The following ADGRB3 variants were observed in gnomAD, a reference collection of about 807,000 sequenced individuals.
ADGRB3 encodes the protein adhesion G protein-coupled receptor B3, also known as brain-specific angiogenesis inhibitor 3.
A neutral mutation model predicts 193.4 loss-of-function variants in ADGRB3; 37 were observed. The ratio of observed to expected loss-of-function variants is 0.19; its 90% CI spans 0.15 to 0.25. The LOEUF is 0.25. Among genes scored for constraint, ADGRB3 ranks in the 10% least tolerant of loss-of-function variants. ADGRB3 has a pLI of 1.00. For synonymous variants in ADGRB3, 690 were observed against 644.2 expected (o/e 1.07, Z -1.08); for missense variants, 1,637 against 1,852.9 (o/e 0.88, Z 2.14).
At chr6:68,903,354 G>C (rs1055160020) in intron 3 of ADGRB3, among the ~76,000 whole-genome samples, 2 of 152,032 alleles carry the variant, frequency 1.3e-5, no homozygotes, top group East Asian at 1.9e-4. Flanking sequence ...ATAAAAACCC[G>C]ACCTCATATT....
rs1283209036 is a variant in ADGRB3, at chr6:69,147,530, T to C, written c.2480+71492T>C. On this transcript the variant is annotated intron_variant, in intron 17 of 31. Coordinates refer to ENST00000370598, the MANE Select transcript of ADGRB3 (RefSeq NM_001704.3). The stretch of plus-strand genomic sequence containing the variant: ...GACACTTCATATGATTTAATTTTTT[T>C]TAATGTTCCAACACTAGTTTTGTGG... Among the ~76,000 whole-genome samples the C allele has an allele frequency of 2.0e-5, 3 of 152,224 alleles. 1 individual carries two copies. In the South Asian group the frequency reaches 6.2e-4, roughly 31 times the overall value.
At position 68,917,913 on chromosome 6, in the gene ADGRB3, A is replaced by G. The variant is rs532089498; in HGVS notation, c.758-12646A>G. 2.0e-5 allele frequency among the ~76,000 whole-genome samples: 3 copies of G among 152,302 alleles called. No homozygotes were observed. In the South Asian group the frequency reaches 6.2e-4, roughly 32 times the overall value. On this transcript the variant is annotated intron_variant, in intron 3 of 31. Transcript: ENST00000370598. Reference sequence around the variant, plus strand: ...GCTATCTTACAATGTTGACTCATTAAACTTTGGTTATCAAATAACCAATGC... The same window carrying G: ...GCTATCTTACAATGTTGACTCATTAGACTTTGGTTATCAAATAACCAATGC...
chr6:69,071,570 CAT>C (rs1772082122), intron 16 of ADGRB3, among the ~76,000 whole-genome samples: 1 of 152,110 alleles, frequency 6.6e-6, no homozygotes, highest in Admixed American at 6.5e-5. Context: ...TAAATAGAAA[CAT>C]GTAGAGTTCA....
At chr6:69,073,028 G>A (rs1326248891) in intron 16 of ADGRB3, among the ~76,000 whole-genome samples, 1 of 152,136 alleles carries the variant, frequency 6.6e-6, no homozygotes, top group Non-Finnish European at 1.5e-5. Flanking sequence ...AACTTGTGCT[G>A]ACTAGCATAG....
chr6:69,095,030 T>C (rs1348582352), intron 17 of ADGRB3, among the ~76,000 whole-genome samples: 1 of 152,258 alleles, frequency 6.6e-6, no homozygotes, highest in Non-Finnish European at 1.5e-5. Context: ...TAGGACTTTT[T>C]CAAGCACAGA....
chr6:69,206,815 CCCTTTG>C (rs1179680388), intron 17 of ADGRB3, among the ~76,000 whole-genome samples: 2 of 152,142 alleles, frequency 1.3e-5, no homozygotes, highest in Admixed American at 1.3e-4. Context: ...ATTCTGTATT[CCCTTTG>C]CCTTTAGCAA....
chr6:68,981,004 A>C, intron 10 of ADGRB3, among the ~76,000 whole-genome samples: 1 of 151,526 alleles, frequency 6.6e-6, no homozygotes, highest in Non-Finnish European at 1.5e-5. Context: ...ACTAATTATA[A>C]CATTGATTTT....
chr6:69,264,410 T>G (rs1268072243), intron 20 of ADGRB3, among the ~76,000 whole-genome samples: 1 of 151,950 alleles, frequency 6.6e-6, no homozygotes, highest in Non-Finnish European at 1.5e-5. Flanking sequence ...TCCTCTGGTT[T>G]TATTACCCTG....
At chr6:69,065,764 T>TATACACAC (rs1491522866) in intron 16 of ADGRB3, among the ~76,000 whole-genome samples, 2 of 129,210 alleles carry the variant, frequency 1.5e-5, no homozygotes, top group African/African-American at 5.9e-5. Context: ...TGTATATATA[T>TATACACAC]ACACACACAC....
intron 17 of ADGRB3, among the ~76,000 whole-genome samples, chr6:69,205,365 G>GA (rs1213993749): frequency 6.6e-6 from 1 of 150,544 alleles, no homozygotes; most frequent in East Asian, 1.9e-4. Flanking sequence ...GACTGCCACT[G>GA]ATATTGTCTT....
chr6:68,925,402 A>G (rs989055909), intron 3 of ADGRB3, among the ~76,000 whole-genome samples: 7 of 151,994 alleles, frequency 4.6e-5, no homozygotes, highest in Non-Finnish European at 8.8e-5. Flanking sequence ...ATATGAGCCT[A>G]TAAGGCATTA....
At chr6:68,844,898 C>G (rs6941602) in intron 3 of ADGRB3, among the ~76,000 whole-genome samples, 32,668 of 152,002 alleles carry the variant, frequency 0.21, 4,053 homozygotes, top group East Asian at 0.58. Context: ...TCTCATTTAT[C>G]TGTGAAAGTT....
At position 69,246,116 on chromosome 6, in the gene ADGRB3, A is replaced by G. The variant is rs534272005; in HGVS notation, c.2814+6890A>G. Among the ~76,000 whole-genome samples, 26 of 152,248 alleles carry G rather than the reference A, an allele frequency of 1.7e-4. No individual in the cohort carries two copies. The South Asian group carries it at 5.4e-3, about 32-fold the overall frequency. On this transcript the variant is annotated intron_variant, in intron 20 of 31. Coordinates refer to ENST00000370598, the MANE Select transcript of ADGRB3 (RefSeq NM_001704.3). ...TGGCCCCTGGATTTTAGTTAAGGAAATGCTGAAAACTAGCAAAAGTTAATC... is the reference window on the plus strand; with the variant it reads ...TGGCCCCTGGATTTTAGTTAAGGAAGTGCTGAAAACTAGCAAAAGTTAATC...
intron 8 of ADGRB3, among the ~76,000 whole-genome samples, chr6:68,969,193 T>C (rs1210640572): frequency 6.6e-6 from 1 of 152,132 alleles, no homozygotes; most frequent in East Asian, 1.9e-4. Flanking sequence ...ACCAAGTATT[T>C]TCAATCTGTT....
intron 17 of ADGRB3, among the ~76,000 whole-genome samples, chr6:69,219,450 TACAC>T (rs1239665999): frequency 8.3e-6 from 1 of 119,844 alleles, no homozygotes; most frequent in Non-Finnish European, 1.8e-5. Flanking sequence ...AACTTAAAAA[TACAC>T]ACACACGTAT....
chr6:69,229,741 TC>T (rs1359323852), intron 17 of ADGRB3, among the ~76,000 whole-genome samples: 2 of 152,186 alleles, frequency 1.3e-5, no homozygotes, highest in African/African-American at 4.8e-5. Flanking sequence ...TGATAACTTT[TC>T]TCTTTAATTT....
At chr6:69,181,455 AT>A (rs1352238214) in intron 17 of ADGRB3, among the ~76,000 whole-genome samples, 11 of 152,150 alleles carry the variant, frequency 7.2e-5, no homozygotes, top group South Asian at 4.1e-4. Context: ...TAAATGCACG[AT>A]ATATGCATTA....
intron 3 of ADGRB3, among the ~76,000 whole-genome samples, chr6:68,681,727 A>C (rs1764900635): frequency 6.6e-6 from 1 of 151,752 alleles, no homozygotes; most frequent in Admixed American, 6.6e-5. Flanking sequence ...AAAACAACAA[A>C]AATTAGATTA....
intron 20 of ADGRB3, among the ~76,000 whole-genome samples, chr6:69,298,558 C>G (rs1284132995): frequency 6.6e-6 from 1 of 151,906 alleles, no homozygotes; most frequent in Non-Finnish European, 1.5e-5. Context: ...TGCCCAGCAT[C>G]TCGTAACCAT....
Sources: gnomAD v4.1 joint callset for allele counts (sites outside exome capture counted in the v4.1 genomes callset) on GRCh38, gnomAD v4.1.1 for gene constraint, MANE v1.5 for transcripts, NCBI Gene and HGNC (gene_info 2026-07-23, HGNC 2026-07-21) for gene names.